Variants in ZFHX3 observed in about 807,000 individuals in gnomAD.
The protein encoded by ZFHX3 is zinc finger homeobox protein 3.
A neutral mutation model predicts 279.1 loss-of-function variants in ZFHX3; 42 were observed. That is an observed-to-expected ratio of 0.15 (90% confidence interval 0.12 to 0.19). ZFHX3 has a LOEUF of 0.19. Among genes scored for constraint, ZFHX3 ranks in the 10% least tolerant of loss-of-function variants. The pLI is 1.00. For missense variants in ZFHX3, 4,981 were observed against 4,754.0 expected (o/e 1.05, Z -1.40); for synonymous variants, 2,293 against 1,957.8 (o/e 1.17, Z -4.52).
chr16:72,921,684 C>T (rs1310986023), intron 3 of ZFHX3, among the ~76,000 whole-genome samples: 2 of 152,118 alleles, frequency 1.3e-5, no homozygotes, highest in Non-Finnish European at 2.9e-5. Flanking sequence ...AGAAGGGGAT[C>T]GAGGAGTCTG....
intron 4 of ZFHX3, among the ~76,000 whole-genome samples, chr16:72,832,888 C>T (rs764124132): frequency 6.6e-6 from 1 of 152,252 alleles, no homozygotes; most frequent in Non-Finnish European, 1.5e-5. Flanking sequence ...TAAGCAGTTA[C>T]ACCATCTGTC....
chr16:73,215,668 A>C (rs370944635), intron 5 of ZFHX3, among the ~76,000 whole-genome samples: 51 of 152,214 alleles, frequency 3.4e-4, no homozygotes, highest in Admixed American at 4.6e-4. Flanking sequence ...CTCCACCCCT[A>C]GCTTGTCCTC....
intron 5 of ZFHX3, among the ~76,000 whole-genome samples, chr16:73,151,701 T>C (rs1966945424): frequency 6.6e-6 from 1 of 151,208 alleles, no homozygotes; most frequent in African/African-American, 2.4e-5. Flanking sequence ...CGAAGTAGAG[T>C]TGGAGATCTA....
At chr16:72,829,695 C>T in intron 5 of ZFHX3, 84 bp downstream of exon 5, 1 of 1,485,994 alleles carries the variant, frequency 6.7e-7, no homozygotes, top group South Asian at 1.1e-5. Context: ...GACTTGTTAG[C>T]TCCATTCTTC....
At chr16:72,906,675 G>A (rs1039127284) in intron 3 of ZFHX3, among the ~76,000 whole-genome samples, 9 of 152,084 alleles carry the variant, frequency 5.9e-5, no homozygotes, top group East Asian at 1.9e-4. Flanking sequence ...GCACGCGCCC[G>A]CAGTCCCAAC....
chr16:72,936,447 G>A (rs1960130281), intron 3 of ZFHX3, among the ~76,000 whole-genome samples: 1 of 152,230 alleles, frequency 6.6e-6, no homozygotes, highest in African/African-American at 2.4e-5. Context: ...TGTCAATGCA[G>A]AGAAGTTATC....
chr16:73,332,002 G>C (rs913475489), intron 3 of ZFHX3, among the ~76,000 whole-genome samples: 4 of 152,190 alleles, frequency 2.6e-5, no homozygotes, highest in Non-Finnish European at 5.9e-5. Context: ...GATCTCTTGA[G>C]ATTCTCTTAC....
At chr16:73,698,217 A>G (rs1246925126) in intron 1 of ZFHX3, among the ~76,000 whole-genome samples, 1 of 152,224 alleles carries the variant, frequency 6.6e-6, no homozygotes, top group Non-Finnish European at 1.5e-5. Flanking sequence ...ATAGAACAAA[A>G]TAAACCTCCA....
At chr16:73,686,180 C>G (rs927363011) in intron 1 of ZFHX3, among the ~76,000 whole-genome samples, 2 of 152,138 alleles carry the variant, frequency 1.3e-5, no homozygotes, top group African/African-American at 4.8e-5. Flanking sequence ...ACTACAACCT[C>G]CACCTCCCGG....
At chr16:73,062,980 C>T (rs967379991), upstream of ZFHX3, among the ~76,000 whole-genome samples, 2 of 152,260 alleles carry the variant, frequency 1.3e-5, no homozygotes, top group African/African-American at 2.4e-5. Flanking sequence ...ATGATCTAAA[C>T]ATCCCTCTTC....
intron 2 of ZFHX3, among the ~76,000 whole-genome samples, chr16:73,600,989 T>A (rs2052108501): frequency 6.9e-6 from 1 of 145,488 alleles, no homozygotes; most frequent in Non-Finnish European, 1.5e-5. Flanking sequence ...CTCAGCACCA[T>A]GAGTGATAGC....
Position 73,640,328 on chromosome 16 carries a change from A to C in ZFHX3, c.-1547+39852T>G, listed in dbSNP as rs1165771865. Among the ~76,000 whole-genome samples the C allele has an allele frequency of 2.6e-5, 4 of 152,186 alleles. No homozygotes were observed. The East Asian group carries it at 7.7e-4, about 29-fold the overall frequency. ...CATCCTACAGTAGACAAACATACCC[A>C]ATCAACTTTTTAGTGCCTTGCTCTC... On this transcript the variant is annotated intron_variant, in intron 2 of 17. Transcript: ENST00000641206.
intron 1 of ZFHX3, among the ~76,000 whole-genome samples, chr16:72,977,024 C>T (rs1436258185): frequency 6.6e-6 from 1 of 152,186 alleles, no homozygotes; most frequent in African/African-American, 2.4e-5. Context: ...GAAGGGCATG[C>T]CATCCCACAA....
intron 1 of ZFHX3, among the ~76,000 whole-genome samples, chr16:73,777,653 T>C (rs1341284387): frequency 6.6e-6 from 1 of 151,956 alleles, no homozygotes; most frequent in Admixed American, 6.6e-5. Flanking sequence ...GTATCAATGA[T>C]AACAATGGCT....
chr16:73,290,445 T>C (rs1006665679), intron 4 of ZFHX3, among the ~76,000 whole-genome samples: 1 of 152,078 alleles, frequency 6.6e-6, no homozygotes, highest in African/African-American at 2.4e-5. Context: ...GGCCCTGGGG[T>C]GGGCAGGGGC....
chr16:72,806,413 T>C (rs940421369), intron 7 of ZFHX3, among the ~76,000 whole-genome samples: 3 of 152,094 alleles, frequency 2.0e-5, no homozygotes, highest in Non-Finnish European at 4.4e-5. Context: ...AGAGAAAACC[T>C]TCATTAGACT....
chr16:73,325,791 A>G (rs11866721), intron 3 of ZFHX3, among the ~76,000 whole-genome samples: 103,137 of 151,940 alleles, frequency 0.68, 35,366 homozygotes, highest in Non-Finnish European at 0.71. Flanking sequence ...AATGAGAAGT[A>G]ATTTTCCTAG....
At chr16:73,711,161 C>G (rs910050096) in intron 1 of ZFHX3, among the ~76,000 whole-genome samples, 1 of 152,148 alleles carries the variant, frequency 6.6e-6, no homozygotes, top group Non-Finnish European at 1.5e-5. Flanking sequence ...TCCATTCCCT[C>G]TCCCCAAAAT....
intron 1 of ZFHX3, among the ~76,000 whole-genome samples, chr16:73,799,961 G>A (rs988092709): frequency 5.3e-5 from 8 of 152,182 alleles, no homozygotes; most frequent in Admixed American, 6.5e-5. Flanking sequence ...TTGGGAGGCC[G>A]AGGAGGATCT....
Sources: gnomAD v4.1 joint callset for allele counts (sites outside exome capture counted in the v4.1 genomes callset) on GRCh38, gnomAD v4.1.1 for gene constraint, MANE v1.5 for transcripts, NCBI Gene and HGNC (gene_info 2026-07-23, HGNC 2026-07-21) for gene names.